The following BABAM2 variants were observed in gnomAD, a reference collection of about 807,000 sequenced individuals.
The protein encoded by BABAM2 is BRISC and BRCA1-A complex member 2.
A neutral mutation model predicts 54.7 loss-of-function variants in BABAM2; 31 were observed. That is an observed-to-expected ratio of 0.57 (90% confidence interval 0.43 to 0.77). The LOEUF is 0.77. BABAM2 is among the 30% of genes least tolerant of loss of function. The pLI, the probability that BABAM2 is intolerant of heterozygous loss-of-function variation, is 0.00. For synonymous variants in BABAM2, 167 were observed against 162.9 expected (o/e 1.03, Z -0.19); for missense variants, 364 against 455.8 (o/e 0.80, Z 1.83).
chr2:28,115,946 C>G (rs1389975978), intron 6 of BABAM2, among the ~76,000 whole-genome samples: 1 of 151,852 alleles, frequency 6.6e-6, no homozygotes, highest in Non-Finnish European at 1.5e-5. Flanking sequence ...GAAACCACCT[C>G]TCTACTAAAA....
intron 11 of BABAM2, among the ~76,000 whole-genome samples, chr2:28,320,126 C>A (rs1479245264): frequency 1.3e-5 from 2 of 152,226 alleles, no homozygotes; most frequent in Non-Finnish European, 2.9e-5. Flanking sequence ...TTGAAAGACT[C>A]CTGTCCTACC....
chr2:28,294,919 G>A (rs1184536491), intron 10 of BABAM2, among the ~76,000 whole-genome samples: 1 of 152,034 alleles, frequency 6.6e-6, no homozygotes, highest in Non-Finnish European at 1.5e-5. Context: ...TTTAATATTG[G>A]CTTCAATTAC....
chr2:27,895,580 G>A (rs1298768830), intron 2 of BABAM2, among the ~76,000 whole-genome samples: 1 of 152,082 alleles, frequency 6.6e-6, no homozygotes, highest in African/African-American at 2.4e-5. Flanking sequence ...TTGATAACTT[G>A]GTTAAGTGAT....
At chr2:28,026,925 TAA>T (rs1438100634) in intron 5 of BABAM2, among the ~76,000 whole-genome samples, 608 of 30,680 alleles carry the variant, frequency 0.02, 14 homozygotes, top group Non-Finnish European at 0.035. Flanking sequence ...TTAATATATA[TAA>T]ATATATATAT....
intron 4 of BABAM2, among the ~76,000 whole-genome samples, chr2:28,017,632 A>G (rs1674936045): frequency 6.6e-6 from 1 of 152,226 alleles, no homozygotes; most frequent in Non-Finnish European, 1.5e-5. Context: ...AGATCATTCT[A>G]ATCATTCCCA....
intron 6 of BABAM2, among the ~76,000 whole-genome samples, chr2:28,126,495 AG>A (rs1277308106): frequency 1.1e-4 from 16 of 145,546 alleles, no homozygotes; most frequent in Non-Finnish European, 1.5e-5. Flanking sequence ...ATGGCTGCAT[AG>A]TATTCCATGG....
chr2:28,085,728 A>G (rs1665579956), intron 6 of BABAM2, among the ~76,000 whole-genome samples: 1 of 152,134 alleles, frequency 6.6e-6, no homozygotes, highest in Non-Finnish European at 1.5e-5. Flanking sequence ...TAGTGTTTCT[A>G]GGGTATTGCC....
chr2:27,930,027 C>A, intron 3 of BABAM2, 119 bp downstream of exon 3: 1 of 853,018 alleles, frequency 1.2e-6, no homozygotes, highest in Non-Finnish European at 1.8e-6. Flanking sequence ...TGTTCACTAG[C>A]ATTTACCACT....
chr2:28,231,677 C>T (rs1038938105), intron 7 of BABAM2, among the ~76,000 whole-genome samples: 2 of 148,722 alleles, frequency 1.3e-5, no homozygotes, highest in African/African-American at 2.6e-5. Context: ...GACCCTTGGA[C>T]AGAGAAGACT....
intron 6 of BABAM2, among the ~76,000 whole-genome samples, chr2:28,065,595 T>C (rs1663453364): frequency 6.6e-6 from 1 of 152,228 alleles, no homozygotes; most frequent in Non-Finnish European, 1.5e-5. Flanking sequence ...TTTTGTCCTG[T>C]AGTAATTCGC....
At chr2:28,204,166 T>C (rs1372911525) in intron 7 of BABAM2, among the ~76,000 whole-genome samples, 2 of 152,174 alleles carry the variant, frequency 1.3e-5, no homozygotes, top group African/African-American at 2.4e-5. Context: ...TTTATTTGAG[T>C]CTTTGTTATT....
chr2:28,045,132 A>C (rs367773770), intron 5 of BABAM2, among the ~76,000 whole-genome samples: 33 of 152,246 alleles, frequency 2.2e-4, no homozygotes, highest in African/African-American at 6.8e-4. Context: ...TAAATCGCCA[A>C]ACCTCCGTAC....
At chr2:27,909,733 C>T (rs1034147587) in intron 2 of BABAM2, among the ~76,000 whole-genome samples, 2 of 152,174 alleles carry the variant, frequency 1.3e-5, no homozygotes, top group Non-Finnish European at 2.9e-5. Flanking sequence ...TGGCAAAGGA[C>T]ACCCATTTAC....
At chr2:28,221,181 C>T (rs113207272) in intron 7 of BABAM2, among the ~76,000 whole-genome samples, 2 of 151,802 alleles carry the variant, frequency 1.3e-5, no homozygotes, top group Non-Finnish European at 2.9e-5. Context: ...TCCCTTTTCC[C>T]TCTAAACTTC....
At chr2:28,086,982 G>C (rs1031541986) in intron 6 of BABAM2, among the ~76,000 whole-genome samples, 1 of 152,082 alleles carries the variant, frequency 6.6e-6, no homozygotes, top group Admixed American at 6.5e-5. Flanking sequence ...TTTGTTCCGG[G>C]AATGCAAAAT....
chr2:28,000,102 C>A (rs917928180), intron 4 of BABAM2, among the ~76,000 whole-genome samples: 70 of 152,198 alleles, frequency 4.6e-4, no homozygotes, highest in African/African-American at 1.7e-3. Flanking sequence ...TACTATGGTA[C>A]ATTTGTGACA....
At chr2:28,139,601 T>G (rs933303710) in intron 7 of BABAM2, among the ~76,000 whole-genome samples, 2 of 151,976 alleles carry the variant, frequency 1.3e-5, no homozygotes, top group African/African-American at 4.8e-5. Context: ...TAAAAAAAAT[T>G]TATTCAACAC....
At chr2:27,930,859 T>A (rs901603864) in intron 3 of BABAM2, among the ~76,000 whole-genome samples, 1 of 152,204 alleles carries the variant, frequency 6.6e-6, no homozygotes, top group African/African-American at 2.4e-5. Context: ...CCAGGAATTT[T>A]CTCTCTTGAA....
At chr2:28,264,752 C>G (rs537747380) in intron 10 of BABAM2, among the ~76,000 whole-genome samples, 1 of 152,244 alleles carries the variant, frequency 6.6e-6, no homozygotes, top group African/African-American at 2.4e-5. Context: ...GGGAGGTGAA[C>G]AGCCCAAGAT....
Sources: gnomAD v4.1 joint callset for allele counts (sites outside exome capture counted in the v4.1 genomes callset) on GRCh38, gnomAD v4.1.1 for gene constraint, MANE v1.5 for transcripts, NCBI Gene and HGNC (gene_info 2026-07-23, HGNC 2026-07-21) for gene names.